Variants in ZNF331 observed in about 807,000 individuals in gnomAD.
ZNF331 encodes C2H2-like zinc finger protein rearranged in thyroid adenomas.
In ZNF331, 2 loss-of-function variants were observed where a neutral mutation model predicts 7.0. The ratio of observed to expected loss-of-function variants is 0.29; its 90% CI spans 0.12 to 0.90. The LOEUF is 0.90. Ranked by LOEUF, ZNF331 falls within the 40% of genes least tolerant of loss-of-function variation. ZNF331 has a pLI of 0.58. For missense variants in ZNF331, 432 were observed against 587.7 expected, an observed-to-expected ratio of 0.74 and a Z score of 2.74; for synonymous variants, 196 against 205.4, an observed-to-expected ratio of 0.95 and a Z score of 0.39.
chr19:53,535,653 T>C (rs890323639), upstream of ZNF331, among the ~76,000 whole-genome samples: 1 of 152,126 alleles, frequency 6.6e-6, no homozygotes, highest in African/African-American at 2.4e-5. Flanking sequence ...AAATTAATCA[T>C]TGATGAATAT....
At chr19:53,544,866 G>A (rs558347519) in intron 2 of ZNF331, among the ~76,000 whole-genome samples, 86 of 151,690 alleles carry the variant, frequency 5.7e-4, no homozygotes, top group Non-Finnish European at 1.1e-3. Context: ...CCTGAGTAGC[G>A]GGGATTACAG....
At chr19:53,517,801 A>G (rs934997982), upstream of ZNF331, among the ~76,000 whole-genome samples, 10 of 152,202 alleles carry the variant, frequency 6.6e-5, no homozygotes, top group Non-Finnish European at 1.5e-5. Context: ...GCCTGTGGCC[A>G]AAGGCCCGAG....
In ZNF331 at chr19:53,560,184, CACACACATATATACACACACCATATATAT is replaced by C. The variant is rs1488724271; in HGVS notation, c.-74+4294_-74+4322del. On this transcript the variant is annotated intron_variant, in intron 3 of 5. Coordinates refer to ENST00000449416, the MANE Select transcript of ZNF331 (RefSeq NM_001079906.2). The surrounding 1 kb of genome is among the most constrained non-coding windows in gnomAD (Gnocchi z 4.3). Reference sequence around the variant, plus strand: ...CCACACCATATATACACACACCATACACACACATATATACACACACCATATATATACACACATATATACACATCCACACC... The same window carrying C: ...CCACACCATATATACACACACCATACACACACATATATACACATCCACACC... Among the ~76,000 whole-genome samples the C allele has an allele frequency of 3.7e-5, 5 of 136,804 alleles. No homozygotes were observed. The highest frequency in any genetic ancestry group is 1.3e-4 in the African/African-American group (5 of 38,734). The allele number at this position is 136,804 out of a possible 152,430, so 89.7% of individuals were successfully genotyped here. A position where few individuals can be genotyped will look rare whatever the true frequency, so the allele number is the denominator to read the frequency against.
chr19:53,542,953 G>A (rs2088283449), intron 2 of ZNF331, among the ~76,000 whole-genome samples: 1 of 152,182 alleles, frequency 6.6e-6, no homozygotes, highest in African/African-American at 2.4e-5. Flanking sequence ...GAGATTACAG[G>A]CAAGTGCCAC....
At chr19:53,519,134 C>A (rs550385295), upstream of ZNF331, among the ~76,000 whole-genome samples, 1 of 152,026 alleles carries the variant, frequency 6.6e-6, no homozygotes, top group Non-Finnish European at 1.5e-5. Context: ...TAGAAACATA[C>A]AATCTCATCC....
rs776403470 is a variant in ZNF331 at position 53,576,937 on chromosome 19, A to G, written c.377A>G (p.His126Arg). Residue 126 changes from histidine (H) to arginine (R), a missense_variant, in exon 6 of 6, where the codon CAT becomes CGT. Coordinates refer to ENST00000449416, the MANE Select transcript of ZNF331 (RefSeq NM_001079906.2). ...CCTCCTAGAACACATCAGAGACATC[A>G]TAAGGAGAATTCCTTTGAATGTAAG... Reference protein sequence around the residue: ...GTPPRTHQRHHKENSFECKDC... With the variant: ...GTPPRTHQRHRKENSFECKDC... 8.7e-6 allele frequency: 14 copies of G among 1,614,128 alleles called. No homozygotes were observed. The highest frequency in any genetic ancestry group is 1.2e-5 in the Non-Finnish European group (14 of 1,180,060).
chr19:53,565,279 C>G (rs909960004), intron 3 of ZNF331, among the ~76,000 whole-genome samples: 3 of 152,180 alleles, frequency 2.0e-5, no homozygotes, highest in African/African-American at 7.2e-5. Flanking sequence ...AATTCATGAC[C>G]AGGTGATTCT....
upstream of ZNF331, among the ~76,000 whole-genome samples, chr19:53,518,939 T>C (rs1272040680): frequency 6.6e-6 from 1 of 152,218 alleles, no homozygotes; most frequent in Admixed American, 6.5e-5. Flanking sequence ...GGAGGACAGA[T>C]GGTGGAAGAA....
At chr19:53,522,533 A>G (rs1306412917) in intron 1 of ZNF331, 1 of 151,946 alleles carries the variant, frequency 6.6e-6, no homozygotes, top group Non-Finnish European at 1.5e-5. Flanking sequence ...CCGCGCCTGG[A>G]CGTGTGCGCT....
At chr19:53,510,364 T>C in the ZNF331 span, among the ~76,000 whole-genome samples, 1 of 151,718 alleles carries the variant, frequency 6.6e-6, no homozygotes, top group African/African-American at 2.4e-5. Flanking sequence ...GAGTGGGAGC[T>C]GTCCATCCCC....
the ZNF331 span, among the ~76,000 whole-genome samples, chr19:53,506,450 C>CTCTCTCTCTCTCTCTCTCTG: frequency 4.2e-5 from 2 of 47,616 alleles, no homozygotes; most frequent in African/African-American, 6.5e-5. Flanking sequence ...CTCTGTCTCT[C>CTCTCTCTCTCTCTCTCTCTG]TCTCTCTCTC....
the ZNF331 span, among the ~76,000 whole-genome samples, chr19:53,510,343 A>T: frequency 4.3e-4 from 65 of 152,012 alleles, no homozygotes; most frequent in African/African-American, 1.5e-3. Context: ...AGATTAGGGA[A>T]CTCGGGGTAG....
chr19:53,529,828 G>A (rs1411884472), intron 2 of ZNF331, among the ~76,000 whole-genome samples: 1 of 152,200 alleles, frequency 6.6e-6, no homozygotes, highest in East Asian at 1.9e-4. Flanking sequence ...GGGAAACTGA[G>A]TAGAAGCAGC....
rs1367360969 is a variant in ZNF331, at chr19:53,577,517, G to A, written c.957G>A (p.Lys319=). The change falls in exon 6 of 6, where the codon AAG becomes AAA. Residue 319 remains lysine, a synonymous_variant. Coordinates refer to ENST00000449416, the MANE Select transcript of ZNF331 (RefSeq NM_001079906.2). ...TCAATTACCTTACTCAGCATCAGAA[G>A]ATCCACACCGGTGAGAAGCCTCACG... ...TRVNYLTQHQ[K]IHTGEKPHEC... 5 of 1,612,636 alleles carry A rather than the reference G, an allele frequency of 3.1e-6. No individual in the cohort carries two copies. Among genetic ancestry groups the A allele is most frequent in the Non-Finnish European group, 3.4e-6 (4 of 1,179,002 alleles).
chr19:53,575,610 A>G (rs965923577), intron 5 of ZNF331, among the ~76,000 whole-genome samples: 1 of 141,242 alleles, frequency 7.1e-6, no homozygotes, highest in African/African-American at 2.7e-5. Flanking sequence ...AGTAGCTGGG[A>G]TTATAGGCTC....
At chr19:53,550,830 C>T (rs916911425) in intron 2 of ZNF331, among the ~76,000 whole-genome samples, 2 of 149,902 alleles carry the variant, frequency 1.3e-5, no homozygotes, top group African/African-American at 2.5e-5. Context: ...AGCCACCATG[C>T]CTGGCCGTTA....
intron 2 of ZNF331, among the ~76,000 whole-genome samples, chr19:53,540,419 C>T (rs1049143566): frequency 2.6e-5 from 4 of 151,974 alleles, no homozygotes; most frequent in African/African-American, 9.7e-5. Context: ...TGCTTGGAGG[C>T]TCTAGGAGAT....
Position 53,578,032 on chromosome 19 carries a change from C to A in ZNF331, c.*80C>A. 7.0e-7 allele frequency: 1 copy of A among 1,426,310 alleles called. No homozygotes were observed. The highest frequency in any genetic ancestry group is 1.4e-5 in the South Asian group (1 of 69,550). The allele number at this position is 1,426,310 out of a possible 1,614,324, so 88.4% of individuals were successfully genotyped here. ...TTGTTACCTGCAGTCAACTGCAGTT[C>A]AAAAATATTAAATGGAAAATTCCAG... On this transcript the variant is annotated 3_prime_UTR_variant, in exon 6 of 6. Coordinates refer to ENST00000449416, the MANE Select transcript of ZNF331 (RefSeq NM_001079906.2).
chr19:53,569,511 A>G, intron 4 of ZNF331, 126 bp downstream of exon 4: 1 of 1,096,138 alleles, frequency 9.1e-7, no homozygotes, highest in Non-Finnish European at 1.3e-6. Flanking sequence ...AGCTCTTTCT[A>G]TTCCAGTGAA....
Sources: allele counts gnomAD v4.1 joint callset (sites outside exome capture counted in the v4.1 genomes callset), GRCh38; gene constraint gnomAD v4.1.1; non-coding constraint Gnocchi (gnomAD v3.1); transcripts MANE v1.5; gene names NCBI Gene and HGNC (gene_info 2026-07-23, HGNC 2026-07-21).